DLC1: variants seen among roughly 807,000 people sequenced by gnomAD.
The protein encoded by DLC1 is rho GTPase-activating protein 7.
Under a neutral mutation model 140.3 loss-of-function variants are expected in DLC1, and 54 were observed. The ratio of observed to expected loss-of-function variants is 0.38; its 90% CI spans 0.31 to 0.48. DLC1 has a LOEUF of 0.48. DLC1 is among the 20% of genes least tolerant of loss of function. DLC1 has a pLI of 0.96. For synonymous variants in DLC1, 986 were observed against 728.1 expected, an observed-to-expected ratio of 1.35 and a Z score of -5.70; for missense variants, 2,536 against 1,907.0, an observed-to-expected ratio of 1.33 and a Z score of -6.14.
intron 5 of DLC1, among the ~76,000 whole-genome samples, chr8:13,164,795 A>T (rs1227099571): frequency 1.3e-5 from 2 of 152,234 alleles, no homozygotes; most frequent in Non-Finnish European, 2.9e-5. Flanking sequence ...ATGGCATTGT[A>T]CTAAAATTGT....
chr8:13,591,585 A>G (rs914665883), intron 1 of DLC1, among the ~76,000 whole-genome samples: 8 of 152,088 alleles, frequency 5.3e-5, no homozygotes, highest in African/African-American at 1.4e-4. Flanking sequence ...GTATTTCTTC[A>G]TAGCAGCATG....
chr8:13,501,997 T>C (rs953314003), intron 1 of DLC1, among the ~76,000 whole-genome samples: 2 of 152,158 alleles, frequency 1.3e-5, no homozygotes, highest in African/African-American at 2.4e-5. Context: ...AAATACCAAG[T>C]GGTATTACGA....
At chr8:13,329,293 A>G (rs1025232234) in intron 4 of DLC1, among the ~76,000 whole-genome samples, 4 of 152,150 alleles carry the variant, frequency 2.6e-5, no homozygotes, top group African/African-American at 4.8e-5. Context: ...CAATTTTTTC[A>G]CGTCAAGACA....
Position 13,338,169 on chromosome 8 carries a change from G to C in DLC1, c.1315-32867C>G, listed in dbSNP as rs140327960. Among the ~76,000 whole-genome samples the C allele has an allele frequency of 3.0e-3, 454 of 152,268 alleles. 2 individuals carry two copies. Among genetic ancestry groups the C allele is most frequent in the African/African-American group, 0.01 (421 of 41,560 alleles). On this transcript the variant is annotated intron_variant, in intron 4 of 17. Coordinates refer to ENST00000276297, the MANE Select transcript of DLC1 (RefSeq NM_182643.3). ...CTTTTGACCTTAGATGGGACACTTG[G>C]TTGTTCTTTCCCTTAGAATCCACCT... is the stretch of plus-strand genomic sequence containing the variant.
chr8:13,100,267 C>A lies in DLC1; in HGVS notation c.2070G>T (p.Leu690=), dbSNP rs1341757278. The change falls in exon 9 of 18, where the codon CTG becomes CTT. Residue 690 remains leucine (L), a synonymous_variant. Coordinates refer to ENST00000276297, the MANE Select transcript of DLC1 (RefSeq NM_182643.3). ...HHSKHKAPSK[L]GLIISGPILQ... Reference sequence around the variant, plus strand: ...AGATGGGCCCGCTGATGATCAACCCCAGCTTTGAGGGCGCTTTGTGCTTGC... The same window carrying A: ...AGATGGGCCCGCTGATGATCAACCCAAGCTTTGAGGGCGCTTTGTGCTTGC... 5 of 1,613,998 alleles carry A rather than the reference C, an allele frequency of 3.1e-6. No individual in the cohort carries two copies. Among genetic ancestry groups the A allele is most frequent in the Non-Finnish European group, 3.4e-6 (4 of 1,180,040 alleles).
chr8:13,582,824 AT>A (rs147465671), intron 1 of DLC1, among the ~76,000 whole-genome samples: 20,582 of 135,878 alleles, frequency 0.15, 1,839 homozygotes, highest in African/African-American at 0.26. Flanking sequence ...GAGTCATACA[AT>A]TTTTTTTTGC....
intron 5 of DLC1, among the ~76,000 whole-genome samples, chr8:13,132,492 G>A (rs1822190940): frequency 6.6e-6 from 1 of 152,234 alleles, no homozygotes; most frequent in East Asian, 1.9e-4. Context: ...AAACTCTCCC[G>A]GAGTTCACTT....
intron 2 of DLC1, among the ~76,000 whole-genome samples, chr8:13,411,503 T>G (rs1160437777): frequency 6.6e-6 from 1 of 152,188 alleles, no homozygotes; most frequent in Non-Finnish European, 1.5e-5. Flanking sequence ...ACCCATAGAA[T>G]GTACAACACC....
At chr8:13,181,335 C>CTTTT (rs59772687) in intron 5 of DLC1, among the ~76,000 whole-genome samples, 1 of 136,144 alleles carries the variant, frequency 7.3e-6, no homozygotes, top group Admixed American at 7.4e-5. Context: ...TTCTTTCTTT[C>CTTTT]TTTTTTTTTT....
intron 4 of DLC1, among the ~76,000 whole-genome samples, chr8:13,390,991 A>AAAAAAAAAAAAAAAGG (rs199632725): frequency 2.8e-5 from 2 of 71,730 alleles, no homozygotes; most frequent in East Asian, 1.3e-3. Context: ...TCTCAAAAAA[A>AAAAAAAAAAAAAAAGG]AAAAGAAAAA....
intron 4 of DLC1, among the ~76,000 whole-genome samples, chr8:13,360,255 GA>G (rs1422138000): frequency 6.6e-6 from 1 of 152,200 alleles, no homozygotes; most frequent in Admixed American, 6.5e-5. Context: ...GCTCTACACA[GA>G]ACGAACACTC....
At chr8:13,109,590 C>CAA (rs151059996) in intron 7 of DLC1, among the ~76,000 whole-genome samples, 29 of 144,938 alleles carry the variant, frequency 2.0e-4, no homozygotes, top group Middle Eastern at 3.6e-3. Context: ...AAAAACAGAA[C>CAA]AAAAAAAAAA....
intron 1 of DLC1, among the ~76,000 whole-genome samples, chr8:13,526,023 T>A (rs1226912380): frequency 1.3e-5 from 2 of 152,092 alleles, no homozygotes; most frequent in African/African-American, 4.8e-5. Context: ...GGATCAAAGT[T>A]TTTTCTTTTT....
At chr8:13,557,778 C>T (rs1037547259) in intron 1 of DLC1, 1 of 152,082 alleles carries the variant, frequency 6.6e-6, no homozygotes, top group Admixed American at 6.6e-5. Flanking sequence ...TTGGGTATCT[C>T]TTTATAGCAG....
chr8:13,299,905 C>A (rs991903302), intron 5 of DLC1, among the ~76,000 whole-genome samples: 5 of 152,090 alleles, frequency 3.3e-5, no homozygotes, highest in Admixed American at 2.6e-4. Context: ...ACCAGAAATG[C>A]CACTGAGTCA....
At chr8:13,561,417 G>T (rs893201956) in intron 1 of DLC1, among the ~76,000 whole-genome samples, 2 of 152,076 alleles carry the variant, frequency 1.3e-5, no homozygotes, top group Admixed American at 6.6e-5. Flanking sequence ...TATTCTTAAA[G>T]ATCCTCCTGC....
At chr8:13,556,117 CA>C (rs1804036107) in intron 1 of DLC1, among the ~76,000 whole-genome samples, 1 of 152,078 alleles carries the variant, frequency 6.6e-6, no homozygotes, top group Non-Finnish European at 1.5e-5. Context: ...TCTCACACCT[CA>C]ACATGCACAG....
chr8:13,332,914 C>A (rs1014717417), intron 4 of DLC1, among the ~76,000 whole-genome samples: 2 of 151,754 alleles, frequency 1.3e-5, no homozygotes, highest in African/African-American at 2.4e-5. Context: ...AAGAGTGGTT[C>A]TCGGATGCCA....
chr8:13,470,725 TA>T (rs1412361998), intron 2 of DLC1, among the ~76,000 whole-genome samples: 1 of 152,072 alleles, frequency 6.6e-6, no homozygotes, highest in Non-Finnish European at 1.5e-5. Flanking sequence ...ATGGAGGTCC[TA>T]AAAAATGGAT....
Sources: allele counts gnomAD v4.1 joint callset (sites outside exome capture counted in the v4.1 genomes callset), GRCh38; gene constraint gnomAD v4.1.1; transcripts MANE v1.5; gene names NCBI Gene and HGNC (gene_info 2026-07-23, HGNC 2026-07-21).